Variants in SLC9A7 observed in about 807,000 individuals in gnomAD.
The protein encoded by SLC9A7 is sodium/hydrogen exchanger 7.
SLC9A7 carries 19 observed loss-of-function variants against 52.6 expected under a neutral mutation model. The ratio of observed to expected loss-of-function variants is 0.36; its 90% CI spans 0.25 to 0.53. The LOEUF (loss-of-function observed/expected upper bound fraction) is 0.53, where lower values mean the gene tolerates loss of function less well. Among genes scored for constraint, SLC9A7 ranks in the 20% least tolerant of loss-of-function variants. The pLI, the probability that SLC9A7 is intolerant of heterozygous loss-of-function variation, is 0.91. For synonymous variants in SLC9A7, 226 were observed against 252.1 expected, an observed-to-expected ratio of 0.90 and a Z score of 0.98; for missense variants, 455 against 597.9, an observed-to-expected ratio of 0.76 and a Z score of 2.49.
chrX:46,688,166 T>C (rs964435555), intron 1 of SLC9A7, among the ~76,000 whole-genome samples: 1 of 112,369 alleles, frequency 8.9e-6, no homozygotes, highest in Admixed American at 9.4e-5. Context: ...TGTGGACATG[T>C]TTTCATTTCC....
chrX:46,707,544 A>T (rs1262497720), intron 1 of SLC9A7, among the ~76,000 whole-genome samples: 1 of 112,200 alleles, frequency 8.9e-6, no homozygotes, highest in Non-Finnish European at 1.9e-5. Context: ...CAGCTGCCTG[A>T]CTACATGGGC....
At chrX:46,673,611 T>C (rs972239374) in intron 3 of SLC9A7, among the ~76,000 whole-genome samples, 1 of 112,053 alleles carries the variant, frequency 8.9e-6, no homozygotes, top group Non-Finnish European at 1.9e-5. Flanking sequence ...ATACTTTACC[T>C]AAAATTTTTT....
intron 1 of SLC9A7, among the ~76,000 whole-genome samples, chrX:46,738,081 AAGAAAGAAAGAAAGAAAGAAAGAAAG>A (rs1945157469): frequency 2.7e-5 from 2 of 74,978 alleles, no homozygotes; most frequent in Non-Finnish European, 6.5e-5. Flanking sequence ...GAAAGAAAGA[AAGAAAGAAAGAAAGAAAGAAAGAAAG>A]AGAAAAGAAA....
At chrX:46,725,879 T>A (rs1944937937) in intron 1 of SLC9A7, 4 of 440,950 alleles carry the variant, frequency 9.1e-6, no homozygotes, top group Admixed American at 8.6e-5. Flanking sequence ...TTATTTCTTA[T>A]GAGGAAAAAT....
rs375953952 is a variant in SLC9A7, at chrX:46,607,089, C to T, written c.2044G>A (p.Ala682Thr). 76 of 1,209,516 alleles carry T rather than the reference C, an allele frequency of 6.3e-5. No homozygotes were observed. The highest frequency in any genetic ancestry group is 8.9e-5 in the East Asian group (3 of 33,753). Residue 682 changes from alanine (A) to threonine (T), a missense_variant, in exon 17 of 17, where the codon GCC becomes ACC. This residue lies in a region of SLC9A7 where 146 missense variants were observed against 160.5 expected (regional missense o/e 0.91). Coordinates refer to ENST00000616978, the MANE Select transcript of SLC9A7 (RefSeq NM_001257291.2). ...CGGCTGCCCTCCAGACTCGTGGAGG[C>T]GGTGTGCGAACTTGAGGAGCCATTT... is the stretch of plus-strand genomic sequence containing the variant. Reference protein sequence around the residue: ...TANGSSSSHTASTSLEGSRRT... With the variant: ...TANGSSSSHTTSTSLEGSRRT...
At chrX:46,732,183 GCCATTGCACT>G (rs1945052852) in intron 1 of SLC9A7, among the ~76,000 whole-genome samples, 1 of 111,439 alleles carries the variant, frequency 9.0e-6, no homozygotes, top group African/African-American at 3.3e-5. Context: ...CTGAGATTGT[GCCATTGCACT>G]CCAGCCTGTC....
At chrX:46,616,291 C>T (rs1432484103) in intron 15 of SLC9A7, among the ~76,000 whole-genome samples, 1 of 97,056 alleles carries the variant, frequency 1.0e-5, no homozygotes, top group Non-Finnish European at 2.0e-5. Flanking sequence ...ACTGCATGAT[C>T]AGTGCAGAGT....
intron 14 of SLC9A7, among the ~76,000 whole-genome samples, chrX:46,628,436 A>G (rs1943171455): frequency 9.0e-6 from 1 of 111,722 alleles, no homozygotes; most frequent in African/African-American, 3.3e-5. Context: ...TAATGAGTCA[A>G]ACTTACCAGG....
At chrX:46,738,096 AAAGAAAGAAAGAG>A (rs200137427) in intron 1 of SLC9A7, among the ~76,000 whole-genome samples, 11,473 of 75,524 alleles carry the variant, frequency 0.15, 984 homozygotes, top group Non-Finnish European at 0.25. Flanking sequence ...AGAAAGAAAG[AAAGAAAGAAAGAG>A]AAAAGAAAAG....
At chrX:46,724,521 A>C (rs1367748368) in intron 1 of SLC9A7, among the ~76,000 whole-genome samples, 2 of 112,394 alleles carry the variant, frequency 1.8e-5, no homozygotes, top group African/African-American at 6.5e-5. Flanking sequence ...ATATTTATTG[A>C]GTATAAATAA....
At chrX:46,742,294 A>G (rs1369342199) in intron 1 of SLC9A7, among the ~76,000 whole-genome samples, 1 of 111,354 alleles carries the variant, frequency 9.0e-6, no homozygotes, top group African/African-American at 3.3e-5. Context: ...AAAAACTTAC[A>G]TTCATACAAA....
chrX:46,613,416 A>G lies in SLC9A7; in HGVS notation c.1824-22T>C, dbSNP rs1388086376. The G allele has an allele frequency of 3.7e-6, 4 of 1,091,126 alleles. No homozygotes were observed. The African/African-American group carries it at 7.4e-5, about 20-fold the overall frequency. The allele number at this position is 1,091,126 out of a possible 1,213,427, so 89.9% of individuals were successfully genotyped here. A position where few individuals can be genotyped will look rare whatever the true frequency, so the allele number is the denominator to read the frequency against. ...GTAACTTTAAAATGTGAATTAAGGAAAAATGGCTGCAAAGAAAACATATAC... is the reference window on the plus strand; with the variant it reads ...GTAACTTTAAAATGTGAATTAAGGAGAAATGGCTGCAAAGAAAACATATAC... On this transcript the variant is annotated intron_variant, in intron 15 of 16. Transcript: ENST00000616978.
intron 1 of SLC9A7, among the ~76,000 whole-genome samples, chrX:46,695,980 T>C (rs999927156): frequency 6.5e-5 from 7 of 108,010 alleles, no homozygotes; most frequent in Non-Finnish European, 1.3e-4. Flanking sequence ...TTTTTACTTA[T>C]TTATTTATTT....
chrX:46,650,213 A>C (rs1943559545), intron 10 of SLC9A7, among the ~76,000 whole-genome samples: 1 of 111,608 alleles, frequency 9.0e-6, no homozygotes, highest in Non-Finnish European at 1.9e-5. Flanking sequence ...GATAATCATG[A>C]GGCCTCAGAA....
At chrX:46,648,032 C>G (rs1184283774) in intron 11 of SLC9A7, among the ~76,000 whole-genome samples, 1 of 112,686 alleles carries the variant, frequency 8.9e-6, no homozygotes, top group East Asian at 2.8e-4. Context: ...TCTCCTTACT[C>G]TACTTCCACA....
intron 11 of SLC9A7, among the ~76,000 whole-genome samples, chrX:46,646,194 C>T (rs1367677085): frequency 9.0e-6 from 1 of 110,903 alleles, no homozygotes; most frequent in Non-Finnish European, 1.9e-5. Context: ...GAACACAGGA[C>T]TGGCTCCTGG....
chrX:46,749,212 G>T (rs1005578514), intron 1 of SLC9A7, among the ~76,000 whole-genome samples: 1 of 111,853 alleles, frequency 8.9e-6, no homozygotes, highest in East Asian at 2.8e-4. Context: ...TTTAATGCTA[G>T]GTAGCGTTAT....
intron 1 of SLC9A7, among the ~76,000 whole-genome samples, chrX:46,714,037 C>T (rs1944731568): frequency 9.0e-6 from 1 of 110,755 alleles, no homozygotes; most frequent in Admixed American, 9.6e-5. Flanking sequence ...AAGTAATGTG[C>T]CCCAAACAGA....
At chrX:46,669,753 A>G in intron 4 of SLC9A7, 34 bp from the exon 5 acceptor site, 1 of 766,109 alleles carries the variant, frequency 1.3e-6, no homozygotes, top group Non-Finnish European at 1.9e-6. Flanking sequence ...TGTCAGGAGA[A>G]AAAAATAAGT....
Sources: allele counts gnomAD v4.1 joint callset (sites outside exome capture counted in the v4.1 genomes callset), GRCh38; gene constraint gnomAD v4.1.1; regional missense constraint gnomAD v4.1.1; transcripts MANE v1.5; gene names NCBI Gene and HGNC (gene_info 2026-07-23, HGNC 2026-07-21).